The following ACTR3C variants were observed in gnomAD, a reference collection of about 807,000 sequenced individuals.
The protein encoded by ACTR3C is actin-related protein 3C.
Under a neutral mutation model 26.3 loss-of-function variants are expected in ACTR3C, and 18 were observed. The ratio of observed to expected loss-of-function variants is 0.68; its 90% CI spans 0.47 to 1.01. The LOEUF (loss-of-function observed/expected upper bound fraction) is 1.01, where lower values mean the gene tolerates loss of function less well. ACTR3C is among the 50% of genes least tolerant of loss of function. The pLI, the probability that ACTR3C is intolerant of heterozygous loss-of-function variation, is 0.00. For synonymous variants in ACTR3C, 55 were observed against 94.5 expected, an observed-to-expected ratio of 0.58 and a Z score of 2.42; for missense variants, 184 against 250.7, an observed-to-expected ratio of 0.73 and a Z score of 1.80.
chr7:150,163,196 A>G, the ACTR3C span, among the ~76,000 whole-genome samples: 1 of 151,962 alleles, frequency 6.6e-6, no homozygotes, highest in Non-Finnish European at 1.5e-5. Context: ...GTGCAATTTC[A>G]GATAGAGGGT....
At chr7:149,948,814 G>A in the ACTR3C span, among the ~76,000 whole-genome samples, 1 of 151,854 alleles carries the variant, frequency 6.6e-6, no homozygotes, top group East Asian at 1.9e-4. Flanking sequence ...ACACCTTCAC[G>A]GTCCGCTCTG....
At chr7:150,019,593 AAATAAAAAT>A in the ACTR3C span, among the ~76,000 whole-genome samples, 3,999 of 123,972 alleles carry the variant, frequency 0.032, 63 homozygotes, top group South Asian at 0.06. Context: ...TCTGTCTCAA[AAATAAAAAT>A]AATAATAATA....
intron 5 of ACTR3C, 62 bp from the exon 6 acceptor site, chr7:150,284,907 C>G: frequency 6.8e-7 from 1 of 1,477,988 alleles, no homozygotes; most frequent in Non-Finnish European, 9.2e-7. Flanking sequence ...ACAACATGAA[C>G]ACTCCTTTAA....
At chr7:150,083,086 C>G in the ACTR3C span, among the ~76,000 whole-genome samples, 106 of 151,072 alleles carry the variant, frequency 7.0e-4, 2 homozygotes, top group South Asian at 0.021. Flanking sequence ...GCTGGGACTA[C>G]AGGCACATAC....
chr7:149,984,796 G>A, the ACTR3C span, among the ~76,000 whole-genome samples: 2 of 151,898 alleles, frequency 1.3e-5, no homozygotes, highest in African/African-American at 2.4e-5. Context: ...CCTACCCTTC[G>A]TGATCCACTC....
the ACTR3C span, among the ~76,000 whole-genome samples, chr7:149,996,296 C>T: frequency 3.3e-5 from 5 of 150,460 alleles, no homozygotes; most frequent in East Asian, 2.0e-4. Flanking sequence ...GTCTGGGAGA[C>T]GGCGGAGGCT....
the ACTR3C span, among the ~76,000 whole-genome samples, chr7:149,937,944 C>A: frequency 6.6e-6 from 1 of 152,110 alleles, no homozygotes; most frequent in Non-Finnish European, 1.5e-5. Flanking sequence ...CCAGTCCCAG[C>A]GGGGAATGGG....
intron 6 of ACTR3C, among the ~76,000 whole-genome samples, chr7:150,281,600 C>A (rs1174747099): frequency 1.3e-5 from 2 of 150,962 alleles, no homozygotes; most frequent in Admixed American, 1.3e-4. Context: ...GTGAGCAGAG[C>A]TCGGCAGTGA....
chr7:149,918,553 G>A, the ACTR3C span, among the ~76,000 whole-genome samples: 860 of 152,286 alleles, frequency 5.6e-3, 14 homozygotes, highest in African/African-American at 0.02. Flanking sequence ...AGTCAGGTGC[G>A]GTGGCGCATG....
the ACTR3C span, among the ~76,000 whole-genome samples, chr7:150,193,413 T>TC: frequency 6.6e-6 from 1 of 150,842 alleles, no homozygotes; most frequent in African/African-American, 2.4e-5. Context: ...ATTTTCTTTT[T>TC]TTTTTTTTGT....
chr7:150,008,274 T>C, the ACTR3C span, among the ~76,000 whole-genome samples: 1 of 152,162 alleles, frequency 6.6e-6, no homozygotes, highest in Non-Finnish European at 1.5e-5. Context: ...AACTTTAGTG[T>C]TTTCAACTAC....
chr7:150,047,947 A>T, the ACTR3C span: 3 of 1,223,454 alleles, frequency 2.5e-6, no homozygotes, highest in African/African-American at 4.9e-5. Flanking sequence ...AGATTAAAAA[A>T]AAGGCGGTGG....
the ACTR3C span, among the ~76,000 whole-genome samples, chr7:149,887,545 G>A: frequency 6.6e-6 from 1 of 152,292 alleles, no homozygotes; most frequent in Admixed American, 6.5e-5. Context: ...ATCAGGAGTT[G>A]GTATATAAAC....
the ACTR3C span, among the ~76,000 whole-genome samples, chr7:149,888,075 A>G: frequency 1.3e-5 from 2 of 152,240 alleles, no homozygotes; most frequent in Non-Finnish European, 2.9e-5. Context: ...TGATGCAGAC[A>G]TACTAGCCAA....
chr7:149,893,417 T>C, the ACTR3C span, among the ~76,000 whole-genome samples: 11 of 152,220 alleles, frequency 7.2e-5, no homozygotes, highest in Non-Finnish European at 1.5e-4. Context: ...CAATAACTAA[T>C]AATAATAATA....
the ACTR3C span, among the ~76,000 whole-genome samples, chr7:149,955,594 G>T: frequency 6.6e-5 from 10 of 152,236 alleles, no homozygotes; most frequent in South Asian, 2.1e-3. Context: ...TTTGCAACAA[G>T]CTGTATTTTC....
chr7:149,933,748 G>A, the ACTR3C span, among the ~76,000 whole-genome samples: 3,817 of 150,664 alleles, frequency 0.025, 117 homozygotes, highest in African/African-American at 0.088. Flanking sequence ...ACACTAGCAA[G>A]TTCCACTCAA....
the ACTR3C span, among the ~76,000 whole-genome samples, chr7:150,098,909 C>T: frequency 2.6e-5 from 4 of 151,016 alleles, no homozygotes; most frequent in Admixed American, 1.3e-4. Flanking sequence ...ACAGGGATTT[C>T]GCCCATTAAT....
the ACTR3C span, among the ~76,000 whole-genome samples, chr7:150,150,022 G>A: frequency 6.6e-6 from 1 of 152,088 alleles, no homozygotes; most frequent in Admixed American, 6.5e-5. Context: ...CCTGCTGCCT[G>A]GTGACCAACT....
Sources: gnomAD v4.1 joint callset for allele counts (sites outside exome capture counted in the v4.1 genomes callset) on GRCh38, gnomAD v4.1.1 for gene constraint, MANE v1.5 for transcripts, NCBI Gene and HGNC (gene_info 2026-07-23, HGNC 2026-07-21) for gene names.